Variants in COMMD1 observed in about 807,000 individuals in gnomAD.
COMMD1 encodes copper metabolism domain containing 1.
A neutral mutation model predicts 17.2 loss-of-function variants in COMMD1; 10 were observed. That is an observed-to-expected ratio of 0.58 (90% CI 0.36 to 0.99). The LOEUF (loss-of-function observed/expected upper bound fraction) is 0.99. Among genes scored for constraint, COMMD1 ranks in the 50% least tolerant of loss-of-function variants. The pLI, the probability that COMMD1 is intolerant of heterozygous loss-of-function variation, is 0.01. For missense variants in COMMD1, 270 were observed against 231.8 expected, an observed-to-expected ratio of 1.17 and a Z score of -1.07; for synonymous variants, 97 against 91.6, an observed-to-expected ratio of 1.06 and a Z score of -0.34.
At chr2:61,992,126 A>G (rs1009687805) in intron 1 of COMMD1, among the ~76,000 whole-genome samples, 3 of 152,218 alleles carry the variant, frequency 2.0e-5, no homozygotes, top group African/African-American at 7.2e-5. Context: ...GTACCTATAC[A>G]TGGTATTACT....
At chr2:62,059,547 T>A (rs1276706900) in intron 2 of COMMD1, among the ~76,000 whole-genome samples, 1 of 152,136 alleles carries the variant, frequency 6.6e-6, no homozygotes, top group Non-Finnish European at 1.5e-5. Flanking sequence ...TCCCCATTTT[T>A]TCCCCCTTAA....
chr2:62,093,730 T>G (rs1215699829), intron 2 of COMMD1, among the ~76,000 whole-genome samples: 2 of 152,240 alleles, frequency 1.3e-5, no homozygotes, highest in African/African-American at 4.8e-5. Context: ...GATTGCAAGT[T>G]GATTTGGCAT....
intron 2 of COMMD1, chr2:62,079,609 C>A (rs1671459788): frequency 6.6e-6 from 1 of 152,296 alleles, no homozygotes; most frequent in African/African-American, 2.4e-5. Flanking sequence ...GACACCCTGG[C>A]TGAGAAGGAA....
chr2:62,037,320 G>C (rs562148378), intron 2 of COMMD1, among the ~76,000 whole-genome samples: 18 of 152,262 alleles, frequency 1.2e-4, no homozygotes, highest in Admixed American at 1.0e-3. Context: ...AATTATAAAC[G>C]AGATGGTAAT....
intron 1 of COMMD1, among the ~76,000 whole-genome samples, chr2:61,951,330 C>T (rs779190479): frequency 8.6e-5 from 13 of 152,004 alleles, no homozygotes; most frequent in Admixed American, 7.2e-4. Context: ...CATGGTGGCG[C>T]GTGCCTGTAG....
chr2:62,073,780 C>A (rs1260721654), intron 2 of COMMD1, among the ~76,000 whole-genome samples: 1 of 152,086 alleles, frequency 6.6e-6, no homozygotes, highest in Admixed American at 6.6e-5. Flanking sequence ...CTCACTGCAA[C>A]CTCTGCTTCC....
rs560295563 is a variant in COMMD1 at position 62,075,029 on chromosome 2, A to G, written c.463-60802A>G. Among the ~76,000 whole-genome samples, 4 of 151,710 alleles carry G rather than the reference A, an allele frequency of 2.6e-5. No homozygotes were observed. In the South Asian group the frequency reaches 6.3e-4, roughly 24 times the overall value. On this transcript the variant is annotated intron_variant, in intron 2 of 2. Transcript: ENST00000311832. ...CTCAGCCTCCCTAGTAGCTGGAACT[A>G]CAGGTGCACGCCACCACACCCAGCT...
intron 1 of COMMD1, among the ~76,000 whole-genome samples, chr2:61,898,387 G>A (rs754459150): frequency 1.1e-4 from 17 of 152,182 alleles, no homozygotes; most frequent in African/African-American, 1.7e-4. Context: ...GAGGCAGAAG[G>A]ATAGCTTGAG....
At chr2:62,065,142 A>G (rs1270165014) in intron 2 of COMMD1, among the ~76,000 whole-genome samples, 1 of 151,992 alleles carries the variant, frequency 6.6e-6, no homozygotes, top group African/African-American at 2.4e-5. Flanking sequence ...GTGCCACTGC[A>G]CTCCAGCCTG....
At chr2:62,066,330 G>A (rs1463220574) in intron 2 of COMMD1, among the ~76,000 whole-genome samples, 3 of 151,950 alleles carry the variant, frequency 2.0e-5, no homozygotes, top group Non-Finnish European at 4.4e-5. Flanking sequence ...AGAGGGCAAA[G>A]TGATAATGAA....
At chr2:61,941,780 A>AT (rs200694879) in intron 1 of COMMD1, among the ~76,000 whole-genome samples, 2,352 of 152,250 alleles carry the variant, frequency 0.015, 62 homozygotes, top group African/African-American at 0.054. Flanking sequence ...AAAATTAAGA[A>AT]TTTTGTCCTT....
At chr2:61,930,633 G>A (rs1325823873) in intron 1 of COMMD1, among the ~76,000 whole-genome samples, 2 of 151,614 alleles carry the variant, frequency 1.3e-5, no homozygotes, top group African/African-American at 4.8e-5. Flanking sequence ...GTGTGTGTGT[G>A]TGTGTGTGTG....
At chr2:61,954,684 TCTC>T (rs1291000896) in intron 1 of COMMD1, among the ~76,000 whole-genome samples, 1 of 151,232 alleles carries the variant, frequency 6.6e-6, no homozygotes, top group South Asian at 2.1e-4. Context: ...TCTCTCTCTC[TCTC>T]TTTTTTTTTT....
chr2:62,129,840 A>T (rs942197858), intron 2 of COMMD1, among the ~76,000 whole-genome samples: 2 of 152,198 alleles, frequency 1.3e-5, no homozygotes, highest in African/African-American at 4.8e-5. Context: ...AGGACAGCCC[A>T]AACAGAGGAT....
chr2:62,037,890 T>C (rs954643649), intron 2 of COMMD1, among the ~76,000 whole-genome samples: 3 of 152,236 alleles, frequency 2.0e-5, no homozygotes, highest in Admixed American at 1.3e-4. Flanking sequence ...ACTAGTTTTG[T>C]ACTGTTAGAT....
intron 1 of COMMD1, among the ~76,000 whole-genome samples, chr2:61,913,880 T>C (rs534926289): frequency 6.7e-6 from 1 of 149,886 alleles, no homozygotes; most frequent in Non-Finnish European, 1.5e-5. Context: ...TATTATAATA[T>C]TTGGAACCCC....
intron 2 of COMMD1, among the ~76,000 whole-genome samples, chr2:62,059,619 A>G (rs939426449): frequency 6.6e-6 from 1 of 152,162 alleles, no homozygotes; most frequent in Non-Finnish European, 1.5e-5. Context: ...TGCAGTGGCT[A>G]TTCACAGGTG....
intron 1 of COMMD1, among the ~76,000 whole-genome samples, chr2:61,944,110 C>A (rs920498180): frequency 6.6e-6 from 1 of 152,096 alleles, no homozygotes; most frequent in African/African-American, 2.4e-5. Context: ...TGCACATGAG[C>A]CAATCGAGAT....
chr2:62,101,619 C>G (rs79734759), intron 2 of COMMD1, among the ~76,000 whole-genome samples: 1 of 150,646 alleles, frequency 6.6e-6, no homozygotes, highest in African/African-American at 2.4e-5. Context: ...CTCTCTCTCT[C>G]TATATATATA....
Sources: allele counts gnomAD v4.1 joint callset (sites outside exome capture counted in the v4.1 genomes callset), GRCh38; gene constraint gnomAD v4.1.1; transcripts MANE v1.5; gene names NCBI Gene and HGNC (gene_info 2026-07-23, HGNC 2026-07-21).